Variants in ERC1 observed in about 807,000 individuals in gnomAD.
ERC1 encodes ELKS/RAB6-interacting/CAST family member 1, also known as RAB6 interacting protein 2.
Under a neutral mutation model 132.0 loss-of-function variants are expected in ERC1, and 56 were observed. The observed-to-expected ratio is 0.42, with a 90% confidence interval of 0.34 to 0.53. The LOEUF (loss-of-function observed/expected upper bound fraction) is 0.53, where lower values mean the gene tolerates loss of function less well. Among genes scored for constraint, ERC1 ranks in the 20% least tolerant of loss-of-function variants. The pLI is 0.03. For synonymous variants in ERC1, 478 were observed against 476.1 expected (o/e 1.00, Z -0.05); for missense variants, 1,202 against 1,349.9 (o/e 0.89, Z 1.72).
chr12:1,215,386 G>A (rs1958302444), intron 12 of ERC1, among the ~76,000 whole-genome samples: 1 of 152,136 alleles, frequency 6.6e-6, no homozygotes, highest in Non-Finnish European at 1.5e-5. Flanking sequence ...TTGGACAATA[G>A]TAATAAGTAC....
intron 12 of ERC1, among the ~76,000 whole-genome samples, chr12:1,220,924 C>T (rs1462897506): frequency 6.6e-6 from 1 of 152,214 alleles, no homozygotes; most frequent in African/African-American, 2.4e-5. Context: ...CACTCAGGCT[C>T]ACTCCCTTAC....
chr12:1,487,098 G>A (rs770306658), intron 18 of ERC1, among the ~76,000 whole-genome samples: 7 of 152,170 alleles, frequency 4.6e-5, no homozygotes, highest in Non-Finnish European at 1.0e-4. Flanking sequence ...CTCTGCAGCT[G>A]TATTTACAAG....
chr12:1,449,708 G>C (rs1038197343), intron 18 of ERC1, among the ~76,000 whole-genome samples: 2 of 152,064 alleles, frequency 1.3e-5, no homozygotes, highest in Non-Finnish European at 2.9e-5. Context: ...TGGGTTTCTT[G>C]TAGAGAACAT....
chr12:1,073,481 A>G (rs1041496026), intron 2 of ERC1, among the ~76,000 whole-genome samples: 1 of 151,354 alleles, frequency 6.6e-6, no homozygotes, highest in Non-Finnish European at 1.5e-5. Context: ...GCAAAACTCC[A>G]TCTCTACTAA....
At position 1,099,835 on chromosome 12, in the gene ERC1, A is replaced by ATTTT. The variant is rs779732035; in HGVS notation, c.1087-4886_1087-4883dup. Reference sequence around the variant, plus strand: ...AAGGATGAGCCTGCTTGAGACTTTGATTTTTTTTTTTTTTTTTTTTTTTTT... The same window carrying ATTTT: ...AAGGATGAGCCTGCTTGAGACTTTGATTTTTTTTTTTTTTTTTTTTTTTTTTTTT... On this transcript the variant is annotated intron_variant, in intron 3 of 18. Coordinates refer to ENST00000360905, the MANE Select transcript of ERC1 (RefSeq NM_178040.4). Among the ~76,000 whole-genome samples the ATTTT allele has an allele frequency of 1.7e-4, 9 of 54,394 alleles. 1 individual carries two copies. Among genetic ancestry groups the ATTTT allele is most frequent in the Non-Finnish European group, 1.6e-4 (5 of 31,156 alleles). 35.7% of individuals were successfully genotyped at this position (54,394 alleles called of 152,430 possible).
chr12:1,460,327 A>C (rs1398922272), intron 18 of ERC1, among the ~76,000 whole-genome samples: 5 of 152,226 alleles, frequency 3.3e-5, no homozygotes, highest in Non-Finnish European at 5.9e-5. Context: ...TGAAAATACA[A>C]GTATTAGCCT....
At chr12:1,268,488 T>G (rs1220410880) in intron 14 of ERC1, among the ~76,000 whole-genome samples, 1 of 152,176 alleles carries the variant, frequency 6.6e-6, no homozygotes, top group African/African-American at 2.4e-5. Context: ...TGGTTCTGTT[T>G]GACAACTACC....
chr12:1,449,493 C>T (rs904965039), intron 18 of ERC1, among the ~76,000 whole-genome samples: 1 of 152,252 alleles, frequency 6.6e-6, no homozygotes, highest in East Asian at 1.9e-4. Context: ...GGTGGCTTCT[C>T]ATGAGATTTG....
intron 8 of ERC1, among the ~76,000 whole-genome samples, chr12:1,158,774 A>G (rs1040540491): frequency 3.9e-5 from 6 of 151,910 alleles, no homozygotes; most frequent in Admixed American, 3.9e-4. Context: ...TTAAACTTTA[A>G]TTTTTGGTTG....
chr12:1,356,990 T>C (rs1391952223), intron 15 of ERC1, among the ~76,000 whole-genome samples: 1 of 152,196 alleles, frequency 6.6e-6, no homozygotes, highest in African/African-American at 2.4e-5. Flanking sequence ...TTTGGTGACC[T>C]CCAAGATCTC....
chr12:1,370,041 C>G (rs915392535), intron 15 of ERC1, among the ~76,000 whole-genome samples: 1 of 152,194 alleles, frequency 6.6e-6, no homozygotes, highest in Admixed American at 6.5e-5. Flanking sequence ...ATTATCTTAA[C>G]AAAAGACAGA....
chr12:1,439,770 A>G (rs892183590), intron 17 of ERC1, among the ~76,000 whole-genome samples: 8 of 152,298 alleles, frequency 5.3e-5, no homozygotes, highest in Admixed American at 2.6e-4. Context: ...GTTATAACTT[A>G]CGGGTCCTGT....
rs529542317 is a variant in ERC1 at position 1,263,297 on chromosome 12, C to T, written c.2619+132C>T. ...CAAAAACACTTCATAGAGGAGAAGT[C>T]CCAAGGAGTTCCTTCATAGCGGTAT... On this transcript the variant is annotated intron_variant, in intron 14 of 18. Coordinates refer to ENST00000360905, the MANE Select transcript of ERC1 (RefSeq NM_178040.4). 44 of 762,068 alleles carry T rather than the reference C, an allele frequency of 5.8e-5. No individual in the cohort carries two copies. In the East Asian group the frequency reaches 1.2e-3, roughly 20 times the overall value. 47.2% of individuals were successfully genotyped at this position (762,068 alleles called of 1,614,324 possible).
intron 3 of ERC1, among the ~76,000 whole-genome samples, chr12:1,103,945 C>T (rs926745641): frequency 6.6e-6 from 1 of 152,096 alleles, no homozygotes; most frequent in Non-Finnish European, 1.5e-5. Flanking sequence ...CAGCAGAAAG[C>T]ATTCATCTCT....
rs1185213777 is a variant in ERC1, at chr12:1,230,008, T to C, written c.2352-6761T>C. Among the ~76,000 whole-genome samples, 13 of 145,406 alleles carry C rather than the reference T, an allele frequency of 8.9e-5. No individual in the cohort carries two copies. In the South Asian group the frequency reaches 2.0e-3, roughly 22 times the overall value. On this transcript the variant is annotated intron_variant, in intron 12 of 18. Coordinates refer to ENST00000360905, the MANE Select transcript of ERC1 (RefSeq NM_178040.4). ...GCCTGAAGATACTTTTTGACTCTTT[T>C]TTTTTTTTTTTTTTTTGAGTTGGAG...
chr12:1,025,687 G>A (rs141339982), intron 1 of ERC1, among the ~76,000 whole-genome samples: 1 of 151,414 alleles, frequency 6.6e-6, no homozygotes, highest in Non-Finnish European at 1.5e-5. Flanking sequence ...AGAGCAACAA[G>A]TATTTAAACT....
At chr12:1,445,222 A>ATTTTTT (rs137864873) in intron 18 of ERC1, among the ~76,000 whole-genome samples, 33 of 90,714 alleles carry the variant, frequency 3.6e-4, no homozygotes, top group African/African-American at 5.3e-4. Flanking sequence ...TGTACAGTAG[A>ATTTTTT]TTTTTTTTTT....
Position 1,400,953 on chromosome 12 carries a change from T to TG in ERC1, c.2926-7195dup, listed in dbSNP as rs1555392406. On this transcript the variant is annotated intron_variant, in intron 16 of 18. Transcript: ENST00000360905. ...TTTTTTTTTTTTTTTTTTTTTTTTTTGTGACGGAGTCTTGCTCTATCGCCC... is the reference window on the plus strand; with the variant it reads ...TTTTTTTTTTTTTTTTTTTTTTTTTTGGTGACGGAGTCTTGCTCTATCGCCC... Among the ~76,000 whole-genome samples, 191 of 90,332 alleles carry TG rather than the reference T, an allele frequency of 2.1e-3. 31 individuals are homozygous for TG. Among genetic ancestry groups the TG allele is most frequent in the Non-Finnish European group, 3.2e-3 (137 of 42,166 alleles). 59.3% of individuals were successfully genotyped at this position (90,332 alleles called of 152,430 possible).
At chr12:1,384,932 A>G (rs1165088178) in intron 16 of ERC1, among the ~76,000 whole-genome samples, 1 of 152,248 alleles carries the variant, frequency 6.6e-6, no homozygotes, top group Non-Finnish European at 1.5e-5. Flanking sequence ...TGGAACATGT[A>G]CAGTCTGGGC....
Sources: gnomAD v4.1 joint callset for allele counts (sites outside exome capture counted in the v4.1 genomes callset) on GRCh38, gnomAD v4.1.1 for gene constraint, MANE v1.5 for transcripts, NCBI Gene and HGNC (gene_info 2026-07-23, HGNC 2026-07-21) for gene names.